The following VPS41 variants were observed in gnomAD, a reference collection of about 807,000 sequenced individuals.
VPS41 encodes the protein VPS41 subunit of HOPS complex.
In VPS41, 85 loss-of-function variants were observed where a neutral mutation model predicts 130.9. The observed-to-expected ratio is 0.65, with a 90% CI of 0.55 to 0.78. The LOEUF is 0.78. VPS41 is among the 30% of genes least tolerant of loss of function. VPS41 has a pLI of 0.00. For synonymous variants in VPS41, 335 were observed against 332.9 expected (o/e 1.01, Z -0.07); for missense variants, 874 against 1,018.7 (o/e 0.86, Z 1.93).
At position 38,767,565 on chromosome 7, in the gene VPS41, C is replaced by G; in HGVS notation, c.1219G>C (p.Glu407Gln). Residue 407 changes from glutamate to glutamine, a missense_variant, in exon 15 of 29, where the codon GAG becomes CAG. Physicochemically the swap from Glu to Gln is conservative, Grantham distance 29 (BLOSUM62 2). Transcript: ENST00000310301. ...IGLAYINHLV[E>Q]RGDYDIAARK... ...GCTGCTATGTCATAGTCTCCTCTCT[C>G]CACCAGGTGATTTATATATGCCAAG... The G allele has an allele frequency of 6.2e-7, 1 of 1,610,288 alleles. No individual in the cohort carries two copies.
chr7:38,797,754 CA>C (rs1784649115), intron 7 of VPS41, among the ~76,000 whole-genome samples: 1 of 152,110 alleles, frequency 6.6e-6, no homozygotes, highest in African/African-American at 2.4e-5. Context: ...CTACCCACCC[CA>C]AAAGAGGCAG....
intron 4 of VPS41, among the ~76,000 whole-genome samples, chr7:38,855,004 A>G (rs1161678733): frequency 6.6e-6 from 1 of 151,826 alleles, no homozygotes. Flanking sequence ...AGGTCAAGAG[A>G]TCGAGACCAT....
chr7:38,831,865 C>T (rs926158107), intron 4 of VPS41, among the ~76,000 whole-genome samples: 1 of 152,186 alleles, frequency 6.6e-6, no homozygotes, highest in South Asian at 2.1e-4. Context: ...AACGAAGTTT[C>T]CATTACAACA....
At chr7:38,853,374 G>A (rs1029600712) in intron 4 of VPS41, among the ~76,000 whole-genome samples, 2 of 138,594 alleles carry the variant, frequency 1.4e-5, no homozygotes, top group South Asian at 4.4e-4. Context: ...AGCTGAGATT[G>A]CGCCACTGCA....
At chr7:38,871,111 TAAC>T (rs753098404) in intron 2 of VPS41, among the ~76,000 whole-genome samples, 27 of 152,038 alleles carry the variant, frequency 1.8e-4, no homozygotes, top group Admixed American at 5.9e-4. Context: ...TTTAAAGAGA[TAAC>T]AACAGAATTT....
At chr7:38,901,912 T>C (rs1787153897) in intron 1 of VPS41, among the ~76,000 whole-genome samples, 1 of 152,152 alleles carries the variant, frequency 6.6e-6, no homozygotes, top group Non-Finnish European at 1.5e-5. Flanking sequence ...AAAATGGTAA[T>C]TTTATGCTAT....
intron 4 of VPS41, among the ~76,000 whole-genome samples, chr7:38,859,553 GT>G (rs1786057136): frequency 6.6e-6 from 1 of 152,098 alleles, no homozygotes; most frequent in African/African-American, 2.4e-5. Flanking sequence ...TTGCCATTGT[GT>G]TCCAATTGCC....
intron 27 of VPS41, chr7:38,727,327 G>C (rs1434664523): frequency 6.2e-6 from 1 of 161,868 alleles, no homozygotes; most frequent in Non-Finnish European, 1.3e-5. Context: ...TGAGTCTGTG[G>C]CTTCATAAAA....
chr7:38,814,116 TGGATCTACTCAATG>T (rs1784993653), intron 7 of VPS41, among the ~76,000 whole-genome samples: 1 of 152,228 alleles, frequency 6.6e-6, no homozygotes, highest in African/African-American at 2.4e-5. Context: ...GCACTGCTCA[TGGATCTACTCAATG>T]GACTCTGACC....
intron 2 of VPS41, among the ~76,000 whole-genome samples, chr7:38,885,914 T>A (rs1160931152): frequency 2.6e-5 from 4 of 151,918 alleles, no homozygotes; most frequent in African/African-American, 9.7e-5. Flanking sequence ...CTGGATGGGC[T>A]CAATAACAGT....
At chr7:38,854,258 T>C (rs1562611020) in intron 4 of VPS41, among the ~76,000 whole-genome samples, 1 of 152,226 alleles carries the variant, frequency 6.6e-6, no homozygotes, top group Non-Finnish European at 1.5e-5. Context: ...ACTTTGATCA[T>C]ATCAAAAAGA....
At chr7:38,750,892 ATG>A (rs1388258569) in intron 22 of VPS41, among the ~76,000 whole-genome samples, 1 of 152,192 alleles carries the variant, frequency 6.6e-6, no homozygotes, top group East Asian at 1.9e-4. Flanking sequence ...GAAATATACA[ATG>A]TTCTCTTGAA....
At chr7:38,767,419 C>A in intron 15 of VPS41, 118 bp downstream of exon 15, 4 of 496,716 alleles carry the variant, frequency 8.1e-6, no homozygotes, top group South Asian at 5.0e-5. Flanking sequence ...CAAAAATTAC[C>A]CTCGTTAGAA....
At chr7:38,868,728 G>A (rs573425370) in intron 3 of VPS41, among the ~76,000 whole-genome samples, 1 of 152,258 alleles carries the variant, frequency 6.6e-6, no homozygotes, top group South Asian at 2.1e-4. Context: ...CACCTACAAT[G>A]TAATCCCTTA....
Position 38,876,893 on chromosome 7 carries a change from G to A in VPS41, c.61-7640C>T, listed in dbSNP as rs145877805. Among the ~76,000 whole-genome samples, 98 of 152,096 alleles carry A rather than the reference G, an allele frequency of 6.4e-4. 1 individual carries two copies. The highest frequency in any genetic ancestry group is 2.0e-3 in the African/African-American group (81 of 41,530). On this transcript the variant is annotated intron_variant, in intron 2 of 28. Coordinates refer to ENST00000310301, the MANE Select transcript of VPS41 (RefSeq NM_014396.4). ...AAACAGGATCAACTCCCATCATTTA[G>A]TTTATATTGGGAAAGCGATAAGAAT...
intron 4 of VPS41, among the ~76,000 whole-genome samples, chr7:38,848,305 A>T (rs77862038): frequency 1.3e-5 from 2 of 150,882 alleles, no homozygotes; most frequent in East Asian, 3.9e-4. Context: ...AAAGATACCC[A>T]CTCCTCCCAA....
intron 2 of VPS41, among the ~76,000 whole-genome samples, chr7:38,896,929 C>T (rs1787010235): frequency 6.6e-6 from 1 of 152,194 alleles, no homozygotes; most frequent in Non-Finnish European, 1.5e-5. Context: ...TGCAGTGACT[C>T]ATGCCTATAA....
At chr7:38,798,401 T>A (rs1246863999) in intron 7 of VPS41, among the ~76,000 whole-genome samples, 1 of 152,192 alleles carries the variant, frequency 6.6e-6, no homozygotes, top group African/African-American at 2.4e-5. Context: ...CTAGTGATTC[T>A]CCTGCTTCAG....
chr7:38,730,796 T>A (rs1286045019), intron 25 of VPS41, among the ~76,000 whole-genome samples: 1 of 152,086 alleles, frequency 6.6e-6, no homozygotes, highest in Non-Finnish European at 1.5e-5. Context: ...AAAACAATTT[T>A]AAAAAATGGC....
Sources: allele counts gnomAD v4.1 joint callset (sites outside exome capture counted in the v4.1 genomes callset), GRCh38; gene constraint gnomAD v4.1.1; transcripts MANE v1.5; gene names NCBI Gene and HGNC (gene_info 2026-07-23, HGNC 2026-07-21).